The following TOGARAM1 variants were observed in gnomAD, a reference collection of about 807,000 sequenced individuals.
TOGARAM1 encodes the protein TOG array regulator of axonemal microtubules protein 1.
A neutral mutation model predicts 166.6 loss-of-function variants in TOGARAM1; 100 were observed. That is an observed-to-expected ratio of 0.60 (90% confidence interval 0.51 to 0.71). The LOEUF (loss-of-function observed/expected upper bound fraction) is 0.71, where lower values mean the gene tolerates loss of function less well. Ranked by LOEUF, TOGARAM1 falls within the 30% of genes least tolerant of loss-of-function variation. TOGARAM1 has a pLI of 0.00. For missense variants in TOGARAM1, 2,029 were observed against 2,102.7 expected (o/e 0.96, Z 0.69); for synonymous variants, 758 against 763.8 (o/e 0.99, Z 0.13).
intron 10 of TOGARAM1, among the ~76,000 whole-genome samples, chr14:45,031,509 C>T (rs1759977838): frequency 6.6e-6 from 1 of 152,116 alleles, no homozygotes; most frequent in Admixed American, 6.6e-5. Context: ...AACTAGAATT[C>T]TACATACAGA....
intron 16 of TOGARAM1, among the ~76,000 whole-genome samples, chr14:45,064,743 G>T (rs951828170): frequency 6.6e-6 from 1 of 152,122 alleles, no homozygotes; most frequent in African/African-American, 2.4e-5. Flanking sequence ...TTTAATCAGG[G>T]TATTTGACCA....
intron 16 of TOGARAM1, among the ~76,000 whole-genome samples, chr14:45,065,232 T>A (rs1286122943): frequency 6.6e-6 from 1 of 152,092 alleles, no homozygotes; most frequent in Non-Finnish European, 1.5e-5. Flanking sequence ...GATAGACAGA[T>A]TGACCAACCA....
At chr14:45,059,284 C>T (rs1416529229) in intron 16 of TOGARAM1, among the ~76,000 whole-genome samples, 2 of 152,056 alleles carry the variant, frequency 1.3e-5, no homozygotes, top group African/African-American at 2.4e-5. Flanking sequence ...CTTCAGGGAT[C>T]CTCCCACGTT....
intron 18 of TOGARAM1, among the ~76,000 whole-genome samples, chr14:45,071,175 C>T (rs533287303): frequency 2.0e-5 from 3 of 152,132 alleles, no homozygotes; most frequent in South Asian, 4.1e-4. Context: ...CCACCTTGGC[C>T]TCCCAAAGTT....
rs1887935051 is a variant in TOGARAM1, at chr14:45,006,004, G to A, written c.2645-4G>A. The A allele has an allele frequency of 6.5e-7, 1 of 1,532,136 alleles. No homozygotes were observed. Among genetic ancestry groups the A allele is most frequent in the Non-Finnish European group, 8.8e-7 (1 of 1,139,316 alleles). The allele number at this position is 1,532,136 out of a possible 1,614,324, so 94.9% of individuals were successfully genotyped here. A position where few individuals can be genotyped will look rare whatever the true frequency, so the allele number is the denominator to read the frequency against. ...AAAAAGTAAAATATCTATTTTTCAT[G>A]CAGGAGAAAATTCTCAAGAAAAACC... On this transcript the variant is annotated splice_region_variant and splice_polypyrimidine_tract_variant and intron_variant, in intron 4 of 19. Coordinates refer to ENST00000361462, the MANE Select transcript of TOGARAM1 (RefSeq NM_001308120.2).
At position 45,018,954 on chromosome 14, in the gene TOGARAM1, C is replaced by A. The variant is rs192121538; in HGVS notation, c.3239-6829C>A. On this transcript the variant is annotated intron_variant, in intron 7 of 19. Coordinates refer to ENST00000361462, the MANE Select transcript of TOGARAM1 (RefSeq NM_001308120.2). ...GGCAGAATCATAAACATATTTACAT[C>A]TTTTAGCCAGAAGTTAATTCTACTC... 1.4e-3 allele frequency among the ~76,000 whole-genome samples: 206 copies of A among 152,300 alleles called. 4 individuals are homozygous for A. The highest frequency in any genetic ancestry group is 0.013 in the Admixed American group (201 of 15,296).
At chr14:45,019,330 C>A (rs1479809715) in intron 7 of TOGARAM1, among the ~76,000 whole-genome samples, 3 of 152,132 alleles carry the variant, frequency 2.0e-5, no homozygotes, top group Non-Finnish European at 4.4e-5. Context: ...CTCTTATTTT[C>A]ATTCCTCTTA....
chr14:45,004,558 C>A (rs956334769), intron 4 of TOGARAM1, among the ~76,000 whole-genome samples, 192 bp downstream of exon 4: 1 of 152,164 alleles, frequency 6.6e-6, no homozygotes, highest in African/African-American at 2.4e-5. Context: ...ATTCTCATTT[C>A]TTACATTGTC....
chr14:44,999,560 C>T lies in TOGARAM1; in HGVS notation c.2338+63C>T, dbSNP rs1261507357. 1.1e-5 allele frequency: 15 copies of T among 1,357,240 alleles called. No individual in the cohort carries two copies. In the Admixed American group the frequency reaches 1.1e-4, roughly 10 times the overall value. The allele number at this position is 1,357,240 out of a possible 1,614,324, so 84.1% of individuals were successfully genotyped here. A position where few individuals can be genotyped will look rare whatever the true frequency, so the allele number is the denominator to read the frequency against. ...TAAATATTATGTGGGGATTCCAACACTAACTTATATGATATTTTGTGTACT... is the reference window on the plus strand; with the variant it reads ...TAAATATTATGTGGGGATTCCAACATTAACTTATATGATATTTTGTGTACT... On this transcript the variant is annotated intron_variant, in intron 3 of 19. Coordinates refer to ENST00000361462, the MANE Select transcript of TOGARAM1 (RefSeq NM_001308120.2).
intron 1 of TOGARAM1, among the ~76,000 whole-genome samples, chr14:44,979,264 A>G (rs1886396988): frequency 6.6e-6 from 1 of 152,126 alleles, no homozygotes; most frequent in African/African-American, 2.4e-5. Flanking sequence ...ATTTATAAAC[A>G]ATAGACATTT....
chr14:45,041,369 C>T (rs1881717746), intron 11 of TOGARAM1, among the ~76,000 whole-genome samples: 1 of 152,188 alleles, frequency 6.6e-6, no homozygotes, highest in South Asian at 2.1e-4. Context: ...CCACTGCACT[C>T]CAGCCTGGGC....
intron 1 of TOGARAM1, among the ~76,000 whole-genome samples, chr14:44,980,402 T>C (rs1252536815): frequency 6.6e-6 from 1 of 152,184 alleles, no homozygotes; most frequent in Non-Finnish European, 1.5e-5. Flanking sequence ...GCGGGTGGCT[T>C]ACACTTGTAA....
intron 14 of TOGARAM1, among the ~76,000 whole-genome samples, chr14:45,048,298 G>A (rs1882184129): frequency 9.1e-6 from 1 of 110,482 alleles, no homozygotes; most frequent in Non-Finnish European, 1.7e-5. Flanking sequence ...CCTAGAGACA[G>A]AGCAAGACTC....
intron 10 of TOGARAM1, among the ~76,000 whole-genome samples, chr14:45,029,957 G>A (rs1185015868): frequency 6.6e-6 from 1 of 152,106 alleles, no homozygotes; most frequent in Non-Finnish European, 1.5e-5. Flanking sequence ...GAGTAGCTGG[G>A]ACTACAGGTG....
Position 45,028,204 on chromosome 14 carries a change from A to T in TOGARAM1, c.3533A>T (p.Tyr1178Phe), listed in dbSNP as rs770881119. The change falls in exon 10 of 20, where the codon TAT (tyrosine) becomes TTT (phenylalanine). Residue 1178 changes from tyrosine (Y) to phenylalanine (F), a missense_variant. Transcript: ENST00000361462. ...DAKVSISKST[Y>F]NKMRQKRKEE... is the part of the protein sequence containing the mutation. ...AAAGTTTCTATTTCTAAATCTACTT[A>T]TAACAAGATGAGACAAAAGAGAAAA... 1.3e-5 allele frequency: 21 copies of T among 1,585,684 alleles called. No homozygotes were observed. The highest frequency in any genetic ancestry group is 1.7e-5 in the Non-Finnish European group (20 of 1,172,776).
chr14:45,022,946 A>G (rs1594665771), intron 7 of TOGARAM1: 1 of 152,152 alleles, frequency 6.6e-6, no homozygotes, highest in East Asian at 1.9e-4. Flanking sequence ...CTTTCTCTCC[A>G]TATTGCTGCG....
At chr14:44,968,008 G>A (rs1423513630) in intron 1 of TOGARAM1, among the ~76,000 whole-genome samples, 7 of 152,030 alleles carry the variant, frequency 4.6e-5, no homozygotes, top group African/African-American at 1.7e-4. Flanking sequence ...AAAAGATTCT[G>A]GTGCCGGCCA....
intron 7 of TOGARAM1, among the ~76,000 whole-genome samples, chr14:45,019,218 A>G (rs987526230): frequency 1.3e-5 from 2 of 152,076 alleles, no homozygotes; most frequent in Non-Finnish European, 2.9e-5. Context: ...TTATCCTATC[A>G]TTTACTCTCA....
intron 14 of TOGARAM1, among the ~76,000 whole-genome samples, chr14:45,049,057 CAAAAAAAAAAA>C (rs71108678): frequency 2.1e-4 from 10 of 47,302 alleles, no homozygotes; most frequent in East Asian, 8.7e-4. Flanking sequence ...ACAAACTTCT[CAAAAAAAAAAA>C]AAAAAAAAAA....
Sources: gnomAD v4.1 joint callset for allele counts (sites outside exome capture counted in the v4.1 genomes callset) on GRCh38, gnomAD v4.1.1 for gene constraint, MANE v1.5 for transcripts, NCBI Gene and HGNC (gene_info 2026-07-23, HGNC 2026-07-21) for gene names.